The following PDS5A variants were observed in gnomAD, a reference collection of about 807,000 sequenced individuals.
PDS5A encodes the protein sister chromatid cohesion protein PDS5 homolog A.
Under a neutral mutation model 167.1 loss-of-function variants are expected in PDS5A, and 42 were observed. The observed-to-expected ratio is 0.25, with a 90% CI of 0.20 to 0.33. The LOEUF (loss-of-function observed/expected upper bound fraction) is 0.33, where lower values mean the gene tolerates loss of function less well. Ranked by LOEUF, PDS5A falls within the 10% of genes least tolerant of loss-of-function variation. The pLI, the probability that PDS5A is intolerant of heterozygous loss-of-function variation, is 1.00. For synonymous variants in PDS5A, 553 were observed against 554.6 expected (o/e 1.00, Z 0.04); for missense variants, 1,033 against 1,605.9 (o/e 0.64, Z 6.10).
At chr4:39,893,631 T>C (rs1722155604) in intron 16 of PDS5A, among the ~76,000 whole-genome samples, 2 of 152,190 alleles carry the variant, frequency 1.3e-5, no homozygotes, top group African/African-American at 4.8e-5. Flanking sequence ...AGAAAAGGAA[T>C]GGGGATATTA....
chr4:39,908,839 C>A (rs565189170), intron 10 of PDS5A: 2 of 256,874 alleles, frequency 7.8e-6, no homozygotes, highest in Non-Finnish European at 1.5e-5. Context: ...CCAGCTTAGG[C>A]AACATGGCAA....
rs1303037494 is a variant in PDS5A, at chr4:39,862,278, T to A, written c.3027A>T (p.Leu1009=). 1 of 1,542,856 alleles carries A rather than the reference T, an allele frequency of 6.5e-7. No individual in the cohort carries two copies. The highest frequency in any genetic ancestry group is 1.9e-5 in the Admixed American group (1 of 51,458). The change falls in exon 26 of 33, where the codon CTA becomes CTT. Residue 1009 remains leucine, a synonymous_variant. Coordinates refer to ENST00000303538, the MANE Select transcript of PDS5A (RefSeq NM_001100399.2). The part of the protein sequence containing the change: ...EYVVPYMIHL[L]AHDPDFTRSQ... ...ATCTTGTAAAATCTGGATCATGGGC[T>A]AGCAGGTGAATCATGTATGGAACTA...
Position 39,838,274 on chromosome 4 carries a change from A to T in PDS5A, c.3658-66T>A, listed in dbSNP as rs1400509452. The T allele has an allele frequency of 2.6e-5, 31 of 1,176,260 alleles. No homozygotes were observed. In the South Asian group the frequency reaches 4.2e-4, roughly 16 times the overall value. The allele number at this position is 1,176,260 out of a possible 1,614,324, so 72.9% of individuals were successfully genotyped here. On this transcript the variant is annotated intron_variant, in intron 31 of 32. Transcript: ENST00000303538. The stretch of plus-strand genomic sequence containing the variant: ...AAATATTAATGATCTCTATTAGAAA[A>T]GAGTGTTTTGAAAGTATTTTAAAGG...
At chr4:39,862,103 C>A in intron 26 of PDS5A, 116 bp downstream of exon 26, 6 of 432,938 alleles carry the variant, frequency 1.4e-5, no homozygotes, top group Non-Finnish European at 2.5e-5. Context: ...TGAATAAAAC[C>A]ATAAGGAGAT....
At chr4:39,951,404 A>C (rs745923574) in intron 2 of PDS5A, among the ~76,000 whole-genome samples, 20 of 152,198 alleles carry the variant, frequency 1.3e-4, no homozygotes, top group Admixed American at 4.6e-4. Flanking sequence ...ATGTGTCTCA[A>C]AATCAGCAGT....
At chr4:39,849,763 C>A in intron 26 of PDS5A, 111 bp from the exon 27 acceptor site, 1 of 654,334 alleles carries the variant, frequency 1.5e-6, no homozygotes, top group South Asian at 2.3e-5. Flanking sequence ...ATAAAATGAT[C>A]AACCTTAATG....
chr4:39,856,830 CTAAATAAA>C (rs1055975413), intron 26 of PDS5A, among the ~76,000 whole-genome samples: 1 of 151,254 alleles, frequency 6.6e-6, no homozygotes, highest in Non-Finnish European at 1.5e-5. Flanking sequence ...AAATACATAA[CTAAATAAA>C]TAAATAAAAG....
At chr4:39,909,584 C>T (rs1723718835) in intron 10 of PDS5A, among the ~76,000 whole-genome samples, 1 of 152,094 alleles carries the variant, frequency 6.6e-6, no homozygotes. Flanking sequence ...TATATACTTG[C>T]AAATTACACA....
intron 2 of PDS5A, chr4:39,973,031 ATATTTTGCAAT>A (rs1318892175): frequency 5.2e-6 from 3 of 572,246 alleles, no homozygotes; most frequent in Non-Finnish European, 9.4e-6. Context: ...AATTTATTTT[ATATTTTGCAAT>A]TTTTTTTTCC....
chr4:39,942,450 C>A (rs1006054832), intron 2 of PDS5A, among the ~76,000 whole-genome samples: 1 of 152,044 alleles, frequency 6.6e-6, no homozygotes, highest in Non-Finnish European at 1.5e-5. Flanking sequence ...ATGTTTTTGC[C>A]CAAATTCCAT....
At chr4:39,927,685 T>C (rs1051121410) in intron 3 of PDS5A, among the ~76,000 whole-genome samples, 6 of 152,370 alleles carry the variant, frequency 3.9e-5, no homozygotes, top group African/African-American at 1.4e-4. Context: ...CATAGCTATC[T>C]GGGCTTTTGT....
intron 18 of PDS5A, among the ~76,000 whole-genome samples, chr4:39,877,786 T>A (rs1720588359): frequency 6.6e-6 from 1 of 152,110 alleles, no homozygotes; most frequent in Non-Finnish European, 1.5e-5. Flanking sequence ...TTTGTTTTTT[T>A]TGTAGAGATG....
intron 2 of PDS5A, among the ~76,000 whole-genome samples, chr4:39,930,246 A>AAAAATTTTTTT: frequency 1.1e-5 from 1 of 93,082 alleles, no homozygotes; most frequent in African/African-American, 3.7e-5. Context: ...AAAAAAAAAA[A>AAAAATTTTTTT]GTTTTTTTGT....
intron 2 of PDS5A, among the ~76,000 whole-genome samples, chr4:39,966,071 C>T (rs963153055): frequency 2.0e-5 from 3 of 152,162 alleles, no homozygotes; most frequent in Admixed American, 2.0e-4. Context: ...CTAAGCCTCC[C>T]TTCACAAATG....
Position 39,977,897 on chromosome 4 carries a change from G to GGCGCGAGAGC in PDS5A, c.-491_-482dup, listed in dbSNP as rs1396360209. ...GCACACACCGGCCGGTCACGCGAGC[G>GGCGCGAGAGC]GCGCGAGAGCACGCGAGAGCAGCGC... On this transcript the variant is annotated 5_prime_UTR_variant, in exon 1 of 33. Transcript: ENST00000303538. The surrounding 1 kb of genome is among the most constrained non-coding windows in gnomAD (Gnocchi z 4.2). 6.6e-5 allele frequency: 10 copies of GGCGCGAGAGC among 151,352 alleles called. No homozygotes were observed. The highest frequency in any genetic ancestry group is 2.4e-4 in the African/African-American group (10 of 41,436). 9.4% of individuals were successfully genotyped at this position (151,352 alleles called of 1,614,324 possible).
chr4:39,885,000 T>A lies in PDS5A; in HGVS notation c.1887-5167A>T, dbSNP rs556913144. ...ATTCTAGGCCAGGTGCAGTGGCTCA[T>A]GCCTGAAATCCCAGAAATTTGGGAG... On this transcript the variant is annotated intron_variant, in intron 17 of 32. Transcript: ENST00000303538. Among the ~76,000 whole-genome samples, 5 of 152,274 alleles carry A rather than the reference T, an allele frequency of 3.3e-5. No individual in the cohort carries two copies. In the South Asian group the frequency reaches 1.0e-3, roughly 32 times the overall value.
intron 5 of PDS5A, among the ~76,000 whole-genome samples, chr4:39,925,224 G>C (rs767918945): frequency 6.6e-6 from 1 of 152,044 alleles, no homozygotes; most frequent in Non-Finnish European, 1.5e-5. Flanking sequence ...AAAAACATGG[G>C]CTAAAATCAG....
intron 17 of PDS5A, among the ~76,000 whole-genome samples, chr4:39,883,325 C>A (rs997451955): frequency 1.3e-5 from 2 of 151,906 alleles, no homozygotes; most frequent in African/African-American, 4.8e-5. Flanking sequence ...GGATTACAGG[C>A]ACGCACCACC....
At chr4:39,927,694 GTGA>G (rs1357293264) in intron 3 of PDS5A, among the ~76,000 whole-genome samples, 1 of 152,160 alleles carries the variant, frequency 6.6e-6, no homozygotes, top group Non-Finnish European at 1.5e-5. Flanking sequence ...CTGGGCTTTT[GTGA>G]TGAATTAGCC....
Sources: allele counts gnomAD v4.1 joint callset (sites outside exome capture counted in the v4.1 genomes callset), GRCh38; gene constraint gnomAD v4.1.1; non-coding constraint Gnocchi (gnomAD v3.1); transcripts MANE v1.5; gene names NCBI Gene and HGNC (gene_info 2026-07-23, HGNC 2026-07-21).